The following FHIT variants were observed in gnomAD, a reference collection of about 807,000 sequenced individuals.
FHIT encodes the protein fragile histidine triad diadenosine triphosphatase.
Under a neutral mutation model 17.9 loss-of-function variants are expected in FHIT, and 19 were observed. That is an observed-to-expected ratio of 1.06 (90% confidence interval 0.74 to 1.56). The LOEUF (loss-of-function observed/expected upper bound fraction) is 1.56, where lower values mean the gene tolerates loss of function less well. Among genes scored for constraint, FHIT ranks in the 40% most tolerant of loss-of-function variants. The pLI is 0.00. For missense variants in FHIT, 248 were observed against 189.2 expected, an observed-to-expected ratio of 1.31 and a Z score of -1.82; for synonymous variants, 81 against 69.7, an observed-to-expected ratio of 1.16 and a Z score of -0.81.
chr3:60,796,588 G>T (rs1416885253), intron 4 of FHIT, among the ~76,000 whole-genome samples: 1 of 152,086 alleles, frequency 6.6e-6, no homozygotes, highest in African/African-American at 2.4e-5. Flanking sequence ...GTTGTTGTTT[G>T]TTTGTTTGTT....
intron 8 of FHIT, among the ~76,000 whole-genome samples, chr3:59,755,196 C>CTGTT (rs746043029): frequency 2.0e-4 from 30 of 152,252 alleles, no homozygotes; most frequent in African/African-American, 5.3e-4. Context: ...TGCTTTTCTT[C>CTGTT]TGTTTATGCT....
chr3:60,726,756 T>C (rs1160288983), intron 4 of FHIT, among the ~76,000 whole-genome samples: 1 of 152,196 alleles, frequency 6.6e-6, no homozygotes, highest in African/African-American at 2.4e-5. Context: ...GTAAGTACTA[T>C]TATTATTCCC....
intron 4 of FHIT, among the ~76,000 whole-genome samples, chr3:60,675,337 A>T (rs532346334): frequency 6.6e-6 from 1 of 152,332 alleles, no homozygotes; most frequent in South Asian, 2.1e-4. Flanking sequence ...GATGAAAAAT[A>T]ATTATCAAGT....
At chr3:60,494,294 T>C (rs977540972) in intron 5 of FHIT, among the ~76,000 whole-genome samples, 6 of 152,196 alleles carry the variant, frequency 3.9e-5, no homozygotes, top group African/African-American at 1.4e-4. Flanking sequence ...ACATAAATTG[T>C]ATCACATAAT....
At chr3:61,188,444 C>G (rs1191498159) in intron 2 of FHIT, among the ~76,000 whole-genome samples, 1 of 152,106 alleles carries the variant, frequency 6.6e-6, no homozygotes, top group Non-Finnish European at 1.5e-5. Context: ...TAAGTAATAG[C>G]TTACCAACCA....
intron 4 of FHIT, among the ~76,000 whole-genome samples, chr3:60,739,284 G>A (rs1258690667): frequency 1.3e-5 from 2 of 152,232 alleles, no homozygotes; most frequent in Non-Finnish European, 2.9e-5. Flanking sequence ...CAGAAAGGCA[G>A]AGGGAGCACT....
At chr3:60,418,896 T>C (rs558249627) in intron 5 of FHIT, among the ~76,000 whole-genome samples, 1 of 152,286 alleles carries the variant, frequency 6.6e-6, no homozygotes, top group South Asian at 2.1e-4. Context: ...ACTCCACATA[T>C]GTGCATCTTT....
intron 3 of FHIT, among the ~76,000 whole-genome samples, chr3:60,938,374 C>T (rs1416480651): frequency 2.6e-5 from 4 of 152,188 alleles, no homozygotes; most frequent in East Asian, 1.9e-4. Context: ...CTTCAGCCCC[C>T]TTGGCCTTGG....
chr3:60,228,284 T>C (rs1704311419), intron 5 of FHIT, among the ~76,000 whole-genome samples: 1 of 152,028 alleles, frequency 6.6e-6, no homozygotes, highest in South Asian at 2.1e-4. Context: ...CAAAGAAAAT[T>C]AGTGGTTGCC....
intron 8 of FHIT, among the ~76,000 whole-genome samples, chr3:59,790,606 G>T (rs1699513980): frequency 1.3e-5 from 2 of 152,008 alleles, no homozygotes; most frequent in East Asian, 3.9e-4. Context: ...GAGAAAACAA[G>T]AATTTTTCCA....
chr3:59,888,759 T>A (rs1387959303), intron 8 of FHIT, among the ~76,000 whole-genome samples: 1 of 152,344 alleles, frequency 6.6e-6, no homozygotes, highest in East Asian at 1.9e-4. Flanking sequence ...GTGTTTCTCA[T>A]CTGTCTTAGT....
At chr3:60,847,219 A>G (rs192040945) in intron 3 of FHIT, among the ~76,000 whole-genome samples, 1 of 152,220 alleles carries the variant, frequency 6.6e-6, no homozygotes, top group Non-Finnish European at 1.5e-5. Flanking sequence ...CTCTTGTTTC[A>G]TCAGACCCAC....
At chr3:60,044,265 C>A (rs1559577824) in intron 5 of FHIT, among the ~76,000 whole-genome samples, 1 of 152,170 alleles carries the variant, frequency 6.6e-6, no homozygotes, top group Non-Finnish European at 1.5e-5. Context: ...GATGAACTGT[C>A]TTTTGTGAAT....
At position 60,347,196 on chromosome 3, in the gene FHIT, C is replaced by A. The variant is rs574961115; in HGVS notation, c.103+189664G>T. On this transcript the variant is annotated intron_variant, in intron 5 of 9. Coordinates refer to ENST00000492590, the MANE Select transcript of FHIT (RefSeq NM_002012.4). ...AAAGTAGTAAAGAAGAATAGACTAA[C>A]TTTAGTTATTACATTTGCATTGTCT... 2.2e-4 allele frequency among the ~76,000 whole-genome samples: 33 copies of A among 152,080 alleles called. No individual in the cohort carries two copies. The South Asian group carries it at 6.2e-3, about 29-fold the overall frequency.
intron 5 of FHIT, among the ~76,000 whole-genome samples, chr3:60,143,422 C>T (rs1700118932): frequency 6.6e-6 from 1 of 152,080 alleles, no homozygotes; most frequent in Non-Finnish European, 1.5e-5. Context: ...ATCTCCACTA[C>T]AGCCATAGAA....
chr3:60,104,215 G>A (rs142800840), intron 5 of FHIT, among the ~76,000 whole-genome samples: 62 of 152,278 alleles, frequency 4.1e-4, no homozygotes, highest in African/African-American at 1.4e-3. Context: ...TGTTACCCCT[G>A]AGTGGTCACG....
In FHIT at chr3:61,014,779, CAAAA is replaced by C. The variant is rs869289360; in HGVS notation, c.-111+27264_-111+27267del. ...TGGGTGACAGAGCGAGACTCTGCCT[CAAAA>C]AAAAAAAAAAAAAAAAAAAAAAAAA... On this transcript the variant is annotated intron_variant, in intron 3 of 9. Coordinates refer to ENST00000492590, the MANE Select transcript of FHIT (RefSeq NM_002012.4). 3.4e-3 allele frequency among the ~76,000 whole-genome samples: 225 copies of C among 65,792 alleles called. 9 individuals are homozygous for C. The East Asian group carries it at 0.077, about 22-fold the overall frequency. 43.2% of individuals were successfully genotyped at this position (65,792 alleles called of 152,430 possible). A position where few individuals can be genotyped will look rare whatever the true frequency, so the allele number is the denominator to read the frequency against.
chr3:60,225,513 T>C (rs1224999945), intron 5 of FHIT, among the ~76,000 whole-genome samples: 1 of 151,794 alleles, frequency 6.6e-6, no homozygotes, highest in African/African-American at 2.4e-5. Context: ...TGGGAGAGAG[T>C]TGAGAGAACC....
chr3:60,854,400 A>C (rs1297081361), intron 3 of FHIT, among the ~76,000 whole-genome samples: 2 of 152,126 alleles, frequency 1.3e-5, no homozygotes, highest in Non-Finnish European at 2.9e-5. Flanking sequence ...CTAGCTAACC[A>C]ACAGCCCAAC....
Sources: allele counts gnomAD v4.1 joint callset (sites outside exome capture counted in the v4.1 genomes callset), GRCh38; gene constraint gnomAD v4.1.1; transcripts MANE v1.5; gene names NCBI Gene and HGNC (gene_info 2026-07-23, HGNC 2026-07-21).